Variants in CRYBG3 observed in about 807,000 individuals in gnomAD.
CRYBG3 encodes crystallin beta-gamma domain containing 3.
In CRYBG3, 127 loss-of-function variants were observed where a neutral mutation model predicts 244.2. The ratio of observed to expected loss-of-function variants is 0.52; its 90% confidence interval spans 0.45 to 0.60. The LOEUF is 0.60. Ranked by LOEUF, CRYBG3 falls within the 20% of genes least tolerant of loss-of-function variation. The probability of loss-of-function intolerance (pLI) is 0.00; values close to 1 mark genes in which losing one functional copy is unlikely to be tolerated. For synonymous variants in CRYBG3, 1,132 were observed against 1,195.8 expected (o/e 0.95, Z 1.10); for missense variants, 3,325 against 3,442.5 (o/e 0.97, Z 0.85).
At chr3:97,906,781 T>C (rs2039779871) in intron 15 of CRYBG3, among the ~76,000 whole-genome samples, 1 of 152,076 alleles carries the variant, frequency 6.6e-6, no homozygotes, top group Non-Finnish European at 1.5e-5. Context: ...TCCAACACTG[T>C]GTTGAATAGG....
At chr3:97,929,214 G>C (rs879891516) in intron 17 of CRYBG3, among the ~76,000 whole-genome samples, 2 of 151,876 alleles carry the variant, frequency 1.3e-5, no homozygotes, top group South Asian at 2.1e-4. Context: ...TGGTTGGCCA[G>C]CTTCAAAGTT....
intron 21 of CRYBG3, 33 bp downstream of exon 21, chr3:97,942,476 C>G (rs762601256): frequency 1.9e-6 from 3 of 1,555,190 alleles, no homozygotes; most frequent in South Asian, 2.5e-5. Flanking sequence ...TGTTGTGTCC[C>G]TGGATATTAG....
chr3:97,859,739 T>C (rs2108197697), intron 2 of CRYBG3, among the ~76,000 whole-genome samples: 1 of 152,286 alleles, frequency 6.6e-6, no homozygotes, highest in South Asian at 2.1e-4. Context: ...TTCACTTTAC[T>C]GAGGTCAGAG....
At chr3:97,915,546 G>A (rs2039919714) in intron 16 of CRYBG3, 64 bp from the exon 17 acceptor site, 5 of 1,523,108 alleles carry the variant, frequency 3.3e-6, no homozygotes, top group Non-Finnish European at 4.5e-6. Flanking sequence ...CCCACAGCAT[G>A]ATAATGAGCC....
chr3:97,862,892 T>G (rs2039171431), intron 2 of CRYBG3, among the ~76,000 whole-genome samples: 1 of 152,170 alleles, frequency 6.6e-6, no homozygotes, highest in Admixed American at 6.6e-5. Context: ...GGGAACAAAT[T>G]TAAAAGTATT....
intron 17 of CRYBG3, among the ~76,000 whole-genome samples, chr3:97,930,310 G>A (rs2040083803): frequency 6.6e-6 from 1 of 152,008 alleles, no homozygotes; most frequent in South Asian, 2.1e-4. Flanking sequence ...AAAAGGTAAA[G>A]TGGAATACTT....
intron 2 of CRYBG3, among the ~76,000 whole-genome samples, chr3:97,859,010 G>A (rs1276368136): frequency 6.6e-6 from 1 of 151,764 alleles, no homozygotes; most frequent in Non-Finnish European, 1.5e-5. Context: ...TCTGGCTTTG[G>A]ATTTGGTTCT....
At chr3:97,863,531 A>C (rs1454833363) in intron 2 of CRYBG3, among the ~76,000 whole-genome samples, 3 of 152,092 alleles carry the variant, frequency 2.0e-5, no homozygotes, top group African/African-American at 7.2e-5. Context: ...AAGGGGTCAC[A>C]AGTGGGCTCT....
chr3:97,904,182 T>TC (rs2108243188), intron 15 of CRYBG3, among the ~76,000 whole-genome samples: 1 of 152,182 alleles, frequency 6.6e-6, no homozygotes, highest in East Asian at 1.9e-4. Context: ...AGAGTTGGTT[T>TC]CTCTATGGAC....
chr3:97,832,290 G>C (rs1374374489), intron 1 of CRYBG3, among the ~76,000 whole-genome samples: 1 of 149,310 alleles, frequency 6.7e-6, no homozygotes, highest in African/African-American at 2.5e-5. Context: ...AAGAAAGCTG[G>C]AGGTATCATG....
chr3:97,933,887 T>C, intron 18 of CRYBG3, 54 bp downstream of exon 18: 2 of 1,530,290 alleles, frequency 1.3e-6, no homozygotes, highest in South Asian at 1.1e-5. Context: ...AAGACAGAGT[T>C]GCAGAGTTGC....
chr3:97,843,452 G>C (rs935885419), intron 2 of CRYBG3, among the ~76,000 whole-genome samples, 191 bp downstream of exon 2: 1 of 152,166 alleles, frequency 6.6e-6, no homozygotes, highest in Non-Finnish European at 1.5e-5. Context: ...GGTGGGGAAA[G>C]GCTCTGAGAA....
At chr3:97,942,213 T>A in intron 20 of CRYBG3, 71 bp from the exon 21 acceptor site, 1 of 1,399,770 alleles carries the variant, frequency 7.1e-7, no homozygotes, top group Non-Finnish European at 9.8e-7. Context: ...TTACCTAAGA[T>A]AAAAGGGACC....
At chr3:97,824,568 A>T (rs2038553562) in intron 1 of CRYBG3, among the ~76,000 whole-genome samples, 2 of 152,258 alleles carry the variant, frequency 1.3e-5, no homozygotes, top group South Asian at 4.1e-4. Context: ...GTTTTGAACC[A>T]TAGGAAAATC....
intron 1 of CRYBG3, among the ~76,000 whole-genome samples, chr3:97,830,646 A>G (rs2038642779): frequency 6.6e-6 from 1 of 151,996 alleles, no homozygotes; most frequent in African/African-American, 2.4e-5. Context: ...ACATTTCTCT[A>G]TTAGTCTTCT....
intron 8 of CRYBG3, 140 bp downstream of exon 8, chr3:97,886,907 T>C (rs1576544759): frequency 6.0e-6 from 4 of 663,650 alleles, no homozygotes; most frequent in East Asian, 2.8e-5. Context: ...GTTAAAAGAT[T>C]CTTTGGATCT....
chr3:97,864,077 C>T (rs952197178), intron 2 of CRYBG3, 140 bp from the exon 3 acceptor site: 2 of 670,764 alleles, frequency 3.0e-6, no homozygotes, highest in Non-Finnish European at 4.9e-6. Context: ...AGATTGTGAA[C>T]TGCCCAAAGG....
At chr3:97,851,356 A>G (rs1045893390) in intron 2 of CRYBG3, among the ~76,000 whole-genome samples, 2 of 152,170 alleles carry the variant, frequency 1.3e-5, no homozygotes, top group African/African-American at 4.8e-5. Flanking sequence ...TGAATGCCAA[A>G]TTTTAGTTAC....
chr3:97,915,508 CT>C, intron 16 of CRYBG3, 101 bp from the exon 17 acceptor site: 1 of 1,268,670 alleles, frequency 7.9e-7, no homozygotes, highest in African/African-American at 1.5e-5. Flanking sequence ...CTCTGCACCA[CT>C]TTCTATGCCC....
Sources: allele counts gnomAD v4.1 joint callset (sites outside exome capture counted in the v4.1 genomes callset), GRCh38; gene constraint gnomAD v4.1.1; transcripts MANE v1.5; gene names NCBI Gene and HGNC (gene_info 2026-07-23, HGNC 2026-07-21).